The following SDK1 variants were observed in gnomAD, a reference collection of about 807,000 sequenced individuals.
The protein encoded by SDK1 is sidekick cell adhesion molecule 1.
SDK1 carries 157 observed loss-of-function variants against 245.5 expected under a neutral mutation model. That is an observed-to-expected ratio of 0.64 (90% CI 0.56 to 0.73). SDK1 has a LOEUF of 0.73. SDK1 is among the 30% of genes least tolerant of loss of function. The pLI, the probability that SDK1 is intolerant of heterozygous loss-of-function variation, is 0.00. For synonymous variants in SDK1, 1,647 were observed against 1,278.5 expected, an observed-to-expected ratio of 1.29 and a Z score of -6.15; for missense variants, 3,583 against 3,002.3, an observed-to-expected ratio of 1.19 and a Z score of -4.52.
chr7:3,604,060 G>A (rs896660386), intron 1 of SDK1, among the ~76,000 whole-genome samples: 1 of 152,164 alleles, frequency 6.6e-6, no homozygotes, highest in Non-Finnish European at 1.5e-5. Context: ...TAAGCTTTTT[G>A]ATGTGCTGCT....
chr7:3,813,962 T>G lies in SDK1; in HGVS notation c.714-7488T>G, dbSNP rs1165405584. Reference sequence around the variant, plus strand: ...TCTCCCACTTTTTGATGGGGTTGTTTGTTTTTTTCTTGTAAATTTGTTTGA... The same window carrying G: ...TCTCCCACTTTTTGATGGGGTTGTTGGTTTTTTTCTTGTAAATTTGTTTGA... On this transcript the variant is annotated intron_variant, in intron 4 of 44. Coordinates refer to ENST00000404826, the MANE Select transcript of SDK1 (RefSeq NM_152744.4). Among the ~76,000 whole-genome samples, 118 of 131,852 alleles carry G rather than the reference T, an allele frequency of 8.9e-4. 2 individuals are homozygous for G. The highest frequency in any genetic ancestry group is 3.5e-3 in the African/African-American group (112 of 32,310). The allele number at this position is 131,852 out of a possible 152,430, so 86.5% of individuals were successfully genotyped here. A position where few individuals can be genotyped will look rare whatever the true frequency, so the allele number is the denominator to read the frequency against.
intron 35 of SDK1, among the ~76,000 whole-genome samples, chr7:4,190,270 T>A (rs1425338337): frequency 6.6e-6 from 1 of 152,188 alleles, no homozygotes; most frequent in Non-Finnish European, 1.5e-5. Context: ...GCCGCCCCTG[T>A]CATTTCTGCG....
chr7:3,667,634 C>G (rs914162091), intron 4 of SDK1, among the ~76,000 whole-genome samples: 1 of 152,224 alleles, frequency 6.6e-6, no homozygotes, highest in Non-Finnish European at 1.5e-5. Context: ...CTGGCAGTCA[C>G]AGATCTGTTT....
chr7:4,201,372 T>C (rs1482293649), intron 35 of SDK1, among the ~76,000 whole-genome samples: 2 of 152,206 alleles, frequency 1.3e-5, no homozygotes, highest in Admixed American at 6.5e-5. Context: ...GAGAATTCTA[T>C]TTCCCATAGT....
chr7:3,367,564 G>A (rs1438002452), intron 1 of SDK1, among the ~76,000 whole-genome samples: 1 of 152,144 alleles, frequency 6.6e-6, no homozygotes, highest in African/African-American at 2.4e-5. Context: ...AATTATTTCT[G>A]TAGAGTTGCA....
intron 1 of SDK1, chr7:3,338,149 G>T: frequency 4.5e-6 from 1 of 220,950 alleles, no homozygotes. Context: ...AAGAGAAAAG[G>T]GAGAGGCACC....
Position 4,265,590 on chromosome 7 carries a change from G to A in SDK1, c.*206G>A. ...GCTTTTTGTAACTTCGCTGCAGGAA[G>A]CAGGTTTGTTTCTTTTTCTTTTCTT... On this transcript the variant is annotated 3_prime_UTR_variant, in exon 45 of 45. Transcript: ENST00000404826. The A allele has an allele frequency of 7.4e-7, 1 of 1,343,132 alleles. No homozygotes were observed. The highest frequency in any genetic ancestry group is 9.5e-7 in the Non-Finnish European group (1 of 1,056,710). The allele number at this position is 1,343,132 out of a possible 1,614,324, so 83.2% of individuals were successfully genotyped here.
At chr7:3,346,985 T>G (rs1780525923) in intron 1 of SDK1, among the ~76,000 whole-genome samples, 1 of 151,212 alleles carries the variant, frequency 6.6e-6, no homozygotes, top group African/African-American at 2.4e-5. Flanking sequence ...GAGAATTATT[T>G]ATTCTCCTCC....
intron 5 of SDK1, among the ~76,000 whole-genome samples, chr7:3,859,218 G>C (rs1318645622): frequency 6.6e-6 from 1 of 152,132 alleles, no homozygotes; most frequent in South Asian, 2.1e-4. Flanking sequence ...GGGCTCGGCA[G>C]GTGATGGTTG....
intron 1 of SDK1, among the ~76,000 whole-genome samples, chr7:3,473,651 G>A (rs1184690192): frequency 1.3e-5 from 2 of 151,440 alleles, no homozygotes; most frequent in Non-Finnish European, 2.9e-5. Context: ...TATTTCCTGG[G>A]TCCAGGTACT....
At chr7:3,606,697 G>T (rs60372133) in intron 1 of SDK1, among the ~76,000 whole-genome samples, 17,298 of 152,022 alleles carry the variant, frequency 0.11, 1,626 homozygotes, top group East Asian at 0.34. Flanking sequence ...CGTTCTCAAC[G>T]AGGCCTTTTT....
chr7:3,619,293 A>G, intron 2 of SDK1, 54 bp downstream of exon 2: 1 of 1,482,382 alleles, frequency 6.7e-7, no homozygotes, highest in Non-Finnish European at 9.4e-7. Context: ...TGTTTGGAAT[A>G]CTTGCCTTAC....
chr7:3,969,511 C>A, intron 11 of SDK1, 87 bp downstream of exon 11: 1 of 962,102 alleles, frequency 1.0e-6, no homozygotes, highest in East Asian at 2.9e-5. Flanking sequence ...TCAGCATGCC[C>A]TTGGGCTTGC....
At chr7:4,148,701 C>T (rs193274298) in intron 29 of SDK1, among the ~76,000 whole-genome samples, 19 of 152,360 alleles carry the variant, frequency 1.2e-4, no homozygotes, top group African/African-American at 4.6e-4. Flanking sequence ...AGCCCAGGGA[C>T]TCCTGTGTGG....
intron 4 of SDK1, among the ~76,000 whole-genome samples, chr7:3,691,755 TA>T (rs1220062161): frequency 6.6e-6 from 1 of 152,156 alleles, no homozygotes; most frequent in Non-Finnish European, 1.5e-5. Context: ...ATTTAAAAAA[TA>T]GGGGGCTTGT....
intron 1 of SDK1, among the ~76,000 whole-genome samples, chr7:3,615,176 T>G (rs547069442): frequency 1.3e-5 from 2 of 151,800 alleles, no homozygotes; most frequent in East Asian, 3.9e-4. Flanking sequence ...TGGAACCATA[T>G]GAAGTGGCAT....
chr7:3,458,889 T>C (rs961673895), intron 1 of SDK1, among the ~76,000 whole-genome samples: 1 of 152,204 alleles, frequency 6.6e-6, no homozygotes, highest in Non-Finnish European at 1.5e-5. Flanking sequence ...AAATAGTCTT[T>C]ATGTTTGGTA....
chr7:3,505,510 C>G (rs1782365791), intron 1 of SDK1, among the ~76,000 whole-genome samples: 1 of 152,164 alleles, frequency 6.6e-6, no homozygotes, highest in Non-Finnish European at 1.5e-5. Context: ...CTAGGCCTCC[C>G]ATAGTGCTAT....
At chr7:4,238,604 C>T (rs1786329834) in intron 42 of SDK1, among the ~76,000 whole-genome samples, 1 of 150,438 alleles carries the variant, frequency 6.6e-6, no homozygotes, top group Admixed American at 6.6e-5. Flanking sequence ...CTCTTGTTGC[C>T]ATGGTGCAGT....
Sources: allele counts gnomAD v4.1 joint callset (sites outside exome capture counted in the v4.1 genomes callset), GRCh38; gene constraint gnomAD v4.1.1; transcripts MANE v1.5; gene names NCBI Gene and HGNC (gene_info 2026-07-23, HGNC 2026-07-21).